The following COL23A1 variants were observed in gnomAD, a reference collection of about 807,000 sequenced individuals.
COL23A1 encodes collagen type XXIII alpha 1 chain.
COL23A1 carries 97 observed loss-of-function variants against 99.3 expected under a neutral mutation model. The ratio of observed to expected loss-of-function variants is 0.98; its 90% CI spans 0.83 to 1.16. The LOEUF (loss-of-function observed/expected upper bound fraction) is 1.16. Among genes scored for constraint, COL23A1 ranks in the 50% most tolerant of loss-of-function variants. The probability of loss-of-function intolerance (pLI) is 0.00; values close to 1 mark genes in which losing one functional copy is unlikely to be tolerated. For synonymous variants in COL23A1, 320 were observed against 308.2 expected, an observed-to-expected ratio of 1.04 and a Z score of -0.40; for missense variants, 762 against 757.4, an observed-to-expected ratio of 1.01 and a Z score of -0.07.
At chr5:178,318,902 CA>C (rs34021116) in intron 2 of COL23A1, among the ~76,000 whole-genome samples, 118 of 136,950 alleles carry the variant, frequency 8.6e-4, no homozygotes, top group African/African-American at 1.4e-3. Context: ...ACTTCATCTC[CA>C]AAAAAAAAAA....
At chr5:178,507,266 CACA>C (rs761897374) in intron 2 of COL23A1, among the ~76,000 whole-genome samples, 6 of 152,188 alleles carry the variant, frequency 3.9e-5, no homozygotes, top group Non-Finnish European at 7.3e-5. Flanking sequence ...TACAGCCCCA[CACA>C]ACACCACAGA....
chr5:178,527,781 C>T (rs569158770), intron 2 of COL23A1, among the ~76,000 whole-genome samples: 12 of 152,362 alleles, frequency 7.9e-5, no homozygotes, highest in African/African-American at 2.6e-4. Flanking sequence ...TCCCTGCAGC[C>T]TGGATACTGG....
At chr5:178,559,645 C>G (rs369699997) in intron 2 of COL23A1, among the ~76,000 whole-genome samples, 3 of 129,440 alleles carry the variant, frequency 2.3e-5, no homozygotes, top group East Asian at 4.8e-4. Flanking sequence ...TTTCCCTGCA[C>G]GTCGAGAAGT....
rs537959713 is a variant in COL23A1, at chr5:178,457,738, C to T, written c.361+102944G>A. Among the ~76,000 whole-genome samples, 5 of 152,288 alleles carry T rather than the reference C, an allele frequency of 3.3e-5. No individual in the cohort carries two copies. In the East Asian group the frequency reaches 9.6e-4, roughly 29 times the overall value. On this transcript the variant is annotated intron_variant, in intron 2 of 28. Transcript: ENST00000390654. ...TGTGATTATCATCCTCAGACTGCTG[C>T]ATGTGTATCATGGAATAAAGCAAGT...
chr5:178,302,763 A>C lies in COL23A1; in HGVS notation c.406+4112T>G, dbSNP rs149818129. 8.4e-3 allele frequency among the ~76,000 whole-genome samples: 1,275 copies of C among 152,290 alleles called. 53 individuals carry two copies. Among genetic ancestry groups the C allele is most frequent in the Admixed American group, 0.064 (982 of 15,294 alleles). Reference sequence around the variant, plus strand: ...ACCTCAAGCAGCTTCAATGTTCAACAATTGCTGCTGATTATTTTTGTTAAG... The same window carrying C: ...ACCTCAAGCAGCTTCAATGTTCAACCATTGCTGCTGATTATTTTTGTTAAG... On this transcript the variant is annotated intron_variant, in intron 3 of 28. Coordinates refer to ENST00000390654, the MANE Select transcript of COL23A1 (RefSeq NM_173465.4).
intron 2 of COL23A1, among the ~76,000 whole-genome samples, chr5:178,326,485 GA>G (rs1279120022): frequency 2.0e-5 from 3 of 151,650 alleles, no homozygotes; most frequent in African/African-American, 4.8e-5. Flanking sequence ...TGGGACCTTG[GA>G]ATAATTCCTT....
chr5:178,576,520 A>G (rs1349274963), intron 1 of COL23A1, among the ~76,000 whole-genome samples: 1 of 152,050 alleles, frequency 6.6e-6, no homozygotes, highest in Non-Finnish European at 1.5e-5. Context: ...GGCGTGAGCC[A>G]CCCACCGAGC....
intron 2 of COL23A1, among the ~76,000 whole-genome samples, chr5:178,444,518 G>A (rs1400920127): frequency 1.1e-4 from 17 of 152,146 alleles, no homozygotes; most frequent in Admixed American, 1.1e-3. Flanking sequence ...GACAAGACTG[G>A]GTGTGGTGGC....
rs183656336 is a variant in COL23A1 at position 178,478,137 on chromosome 5, G to A, written c.361+82545C>T. 1.1e-4 allele frequency among the ~76,000 whole-genome samples: 17 copies of A among 152,316 alleles called. No individual in the cohort carries two copies. In the East Asian group the frequency reaches 2.3e-3, roughly 21 times the overall value. On this transcript the variant is annotated intron_variant, in intron 2 of 28. Transcript: ENST00000390654. ...AGCCAGACAGTGCCTGCGGGCCCCC[G>A]ACAGGCCTCCCTGAACCTCACTGGA...
chr5:178,373,402 C>T (rs1180805766), intron 2 of COL23A1, among the ~76,000 whole-genome samples: 1 of 152,124 alleles, frequency 6.6e-6, no homozygotes, highest in Non-Finnish European at 1.5e-5. Flanking sequence ...TCCTGCCCCA[C>T]ACTTTATTTT....
In COL23A1 at chr5:178,387,047, C is replaced by G. The variant is rs1236200905; in HGVS notation, c.362-80128G>C. Among the ~76,000 whole-genome samples, 1 of 152,160 alleles carries G rather than the reference C, an allele frequency of 6.6e-6. No homozygotes were observed. Among genetic ancestry groups the G allele is most frequent in the Admixed American group, 6.5e-5 (1 of 15,286 alleles). On this transcript the variant is annotated intron_variant, in intron 2 of 28. Transcript: ENST00000390654. This position sits in a 1 kb window ranked among gnomAD's most constrained non-coding sequence, Gnocchi z 4.7. The stretch of plus-strand genomic sequence containing the variant: ...TCCAGGTTTCGTCTCTCGCTCCAGG[C>G]TTCCTGCTGTCCGACTTCCTGGCAC...
intron 2 of COL23A1, among the ~76,000 whole-genome samples, chr5:178,457,813 T>C (rs997563374): frequency 6.6e-6 from 1 of 152,138 alleles, no homozygotes; most frequent in Non-Finnish European, 1.5e-5. Flanking sequence ...GAGTAAAAGA[T>C]CATGTTAAGT....
chr5:178,539,917 C>T (rs1761197860), intron 2 of COL23A1, among the ~76,000 whole-genome samples: 1 of 152,154 alleles, frequency 6.6e-6, no homozygotes, highest in African/African-American at 2.4e-5. Context: ...ATATCCCATC[C>T]AACTGGCGTT....
chr5:178,336,571 G>A (rs772173975), intron 2 of COL23A1, among the ~76,000 whole-genome samples: 7 of 152,200 alleles, frequency 4.6e-5, no homozygotes, highest in East Asian at 3.8e-4. Context: ...TGGTTGCCAC[G>A]CAGAGGCCGG....
At chr5:178,511,398 A>C (rs1759196409) in intron 2 of COL23A1, among the ~76,000 whole-genome samples, 2 of 152,250 alleles carry the variant, frequency 1.3e-5, no homozygotes, top group Admixed American at 1.3e-4. Context: ...TTGAAAGAGA[A>C]GACCTTCATT....
At chr5:178,561,493 A>T (rs1344717272) in intron 1 of COL23A1, among the ~76,000 whole-genome samples, 3 of 152,182 alleles carry the variant, frequency 2.0e-5, no homozygotes, top group Admixed American at 6.5e-5. Flanking sequence ...ATGGAACCCT[A>T]TGGGCACCCC....
intron 2 of COL23A1, among the ~76,000 whole-genome samples, chr5:178,433,663 T>C (rs886095935): frequency 1.3e-5 from 2 of 152,084 alleles, no homozygotes; most frequent in Non-Finnish European, 2.9e-5. Context: ...CTCCTATCAC[T>C]CTGAATAGTC....
chr5:178,503,674 A>G (rs1047306575), intron 2 of COL23A1, among the ~76,000 whole-genome samples: 1 of 152,198 alleles, frequency 6.6e-6, no homozygotes, highest in African/African-American at 2.4e-5. Context: ...GGAGAGAGAG[A>G]TAAATAATTT....
At chr5:178,585,824 C>G (rs1763970073) in intron 1 of COL23A1, among the ~76,000 whole-genome samples, 1 of 144,644 alleles carries the variant, frequency 6.9e-6, no homozygotes, top group Non-Finnish European at 1.5e-5. Context: ...CGGCAACACG[C>G]CCAGCCTCAG....
Sources: allele counts gnomAD v4.1 joint callset (sites outside exome capture counted in the v4.1 genomes callset), GRCh38; gene constraint gnomAD v4.1.1; non-coding constraint Gnocchi (gnomAD v3.1); transcripts MANE v1.5; gene names NCBI Gene and HGNC (gene_info 2026-07-23, HGNC 2026-07-21).